The following TANC1 variants were observed in gnomAD, a reference collection of about 807,000 sequenced individuals.
The protein encoded by TANC1 is protein TANC1.
A neutral mutation model predicts 149.7 loss-of-function variants in TANC1; 77 were observed. That is an observed-to-expected ratio of 0.51 (90% CI 0.43 to 0.62). The LOEUF (loss-of-function observed/expected upper bound fraction) is 0.62, where lower values mean the gene tolerates loss of function less well. Among genes scored for constraint, TANC1 ranks in the 20% least tolerant of loss-of-function variants. TANC1 has a pLI of 0.00. For synonymous variants in TANC1, 854 were observed against 925.0 expected (o/e 0.92, Z 1.39); for missense variants, 1,985 against 2,321.8 (o/e 0.85, Z 2.98).
rs191913478 is a variant in TANC1, at chr2:159,002,892, T to C, written c.-16+1703T>C. 2.0e-5 allele frequency among the ~76,000 whole-genome samples: 3 copies of C among 152,338 alleles called. No homozygotes were observed. In the East Asian group the frequency reaches 5.8e-4, roughly 29 times the overall value. ...AAAAGATGTCTCATGGCAGGTCCTA[T>C]AAGGGCAGCCTGGAAGTGACATCAT... On this transcript the variant is annotated intron_variant, in intron 2 of 26. Transcript: ENST00000263635.
intron 3 of TANC1, among the ~76,000 whole-genome samples, chr2:159,084,907 C>T (rs543582908): frequency 5.9e-5 from 9 of 152,296 alleles, no homozygotes; most frequent in African/African-American, 2.2e-4. Flanking sequence ...GGTTCAATTC[C>T]GGATCTGCCA....
Position 159,229,573 on chromosome 2 carries a change from C to CA in TANC1, c.4152-2dup. ...TGTAATGTTACCTTACATTTTCCTACAAAGGCAATTCGTGGCAGCTCTGGC... is the reference window on the plus strand; with the variant it reads ...TGTAATGTTACCTTACATTTTCCTACAAAAGGCAATTCGTGGCAGCTCTGGC... On this transcript the variant is annotated splice_region_variant and splice_polypyrimidine_tract_variant and intron_variant, in intron 26 of 26. Transcript: ENST00000263635. 6.2e-7 allele frequency: 1 copy of CA among 1,607,972 alleles called. No individual in the cohort carries two copies. The highest frequency in any genetic ancestry group is 1.1e-5 in the South Asian group (1 of 90,462).
intron 2 of TANC1, among the ~76,000 whole-genome samples, chr2:159,054,776 T>G (rs147974954): frequency 1.3e-3 from 192 of 152,346 alleles, no homozygotes; most frequent in African/African-American, 4.2e-3. Context: ...TTATCACGCA[T>G]ACAGTGGCCT....
chr2:159,117,937 GTACTGGAGTTTTTCTC>G (rs74572099), intron 4 of TANC1, among the ~76,000 whole-genome samples: 83,018 of 146,030 alleles, frequency 0.57, 24,108 homozygotes, highest in African/African-American at 0.66. Flanking sequence ...GAGTTTTTCT[GTACTGGAGTTTTTCTC>G]TACTGGAGTT....
At chr2:159,003,088 T>C (rs2036771811) in intron 2 of TANC1, among the ~76,000 whole-genome samples, 1 of 152,204 alleles carries the variant, frequency 6.6e-6, no homozygotes, top group Non-Finnish European at 1.5e-5. Context: ...AGAACTTTGT[T>C]CCTGGCTGTG....
At chr2:159,030,155 C>T (rs926349324) in intron 2 of TANC1, among the ~76,000 whole-genome samples, 5 of 151,484 alleles carry the variant, frequency 3.3e-5, no homozygotes, top group South Asian at 2.1e-4. Context: ...TATTCCTTCC[C>T]GGGGTGAAAA....
At chr2:159,003,920 A>T (rs2036877088) in intron 2 of TANC1, 2 of 1,612,784 alleles carry the variant, frequency 1.2e-6, no homozygotes, top group African/African-American at 2.7e-5. Context: ...CAGAAAGAAG[A>T]AGGTGGTACA....
chr2:158,971,625 T>C (rs1229555001), intron 1 of TANC1, among the ~76,000 whole-genome samples: 1 of 152,230 alleles, frequency 6.6e-6, no homozygotes, highest in Non-Finnish European at 1.5e-5. Flanking sequence ...CAAAGAACTC[T>C]TAAGCCTTTC....
chr2:159,166,205 A>G (rs972673178), intron 8 of TANC1, among the ~76,000 whole-genome samples: 4 of 152,180 alleles, frequency 2.6e-5, no homozygotes, highest in East Asian at 1.9e-4. Context: ...TTACCTTTCA[A>G]AATACTTTCT....
In TANC1 at chr2:159,179,143, G is replaced by A. The variant is rs777529237; in HGVS notation, c.2490G>A (p.Thr830=). 19 of 1,611,618 alleles carry A rather than the reference G, an allele frequency of 1.2e-5. No homozygotes were observed. The highest frequency in any genetic ancestry group is 1.6e-4 in the Middle Eastern group (1 of 6,080). ...TATGGAGAGCAGACGGGGAAAACAC[G>A]GCCTTCCTGTGTGAGCCCAGGTACG... ...WLVWRADGEN[T]AFLCEPRNGH... The change falls in exon 14 of 27, where the codon ACG becomes ACA. Residue 830 remains threonine, a synonymous_variant. Coordinates refer to ENST00000263635, the MANE Select transcript of TANC1 (RefSeq NM_033394.3).
chr2:159,170,502 A>C, intron 9 of TANC1, 22 bp from the exon 10 acceptor site: 1 of 1,551,874 alleles, frequency 6.4e-7, no homozygotes, highest in South Asian at 1.2e-5. Flanking sequence ...TTTTTCTAAA[A>C]TTTTTTTTTC....
chr2:159,083,224 G>A lies in TANC1; in HGVS notation c.62-14413G>A, dbSNP rs571326649. Among the ~76,000 whole-genome samples the A allele has an allele frequency of 1.5e-4, 23 of 152,056 alleles. No individual in the cohort carries two copies. The South Asian group carries it at 4.2e-3, about 27-fold the overall frequency. ...CCGGCCTTGGCCTCCCAAAGTGCTG[G>A]GATTACAGGCATGAGCCACCATACC... On this transcript the variant is annotated intron_variant, in intron 3 of 26. Transcript: ENST00000263635.
intron 2 of TANC1, among the ~76,000 whole-genome samples, chr2:159,063,752 C>G (rs1163222769): frequency 6.6e-6 from 1 of 152,152 alleles, no homozygotes; most frequent in Non-Finnish European, 1.5e-5. Context: ...GAAGGTATGT[C>G]TATCCTGAAA....
At chr2:158,980,814 C>T (rs1461280702) in intron 1 of TANC1, among the ~76,000 whole-genome samples, 1 of 151,694 alleles carries the variant, frequency 6.6e-6, no homozygotes, top group Non-Finnish European at 1.5e-5. Flanking sequence ...TAGCATTTGT[C>T]ACCATTTTTG....
chr2:159,178,485 T>C (rs2056118232), intron 13 of TANC1, 71 bp from the exon 14 acceptor site: 2 of 1,497,868 alleles, frequency 1.3e-6, no homozygotes, highest in Admixed American at 4.6e-5. Flanking sequence ...GTGAATCTGG[T>C]TTAAAATGCT....
chr2:159,136,551 T>G (rs932765507), intron 5 of TANC1, among the ~76,000 whole-genome samples: 22 of 152,242 alleles, frequency 1.4e-4, no homozygotes, highest in African/African-American at 5.1e-4. Flanking sequence ...CTCTGAATTT[T>G]GACCTACCAG....
intron 3 of TANC1, among the ~76,000 whole-genome samples, chr2:159,092,573 T>C (rs2045663079): frequency 6.6e-6 from 1 of 152,266 alleles, no homozygotes; most frequent in East Asian, 1.9e-4. Flanking sequence ...AATTTTGTTA[T>C]CTTTGCAAAC....
rs2034355349 is a variant in TANC1 at position 158,981,515 on chromosome 2, ATATATATATAT to A, written c.-126+12734_-126+12744del. ...TTTATATATATATATATATATATATATATATATATATATATATATATATATATAAAGAAGTA... is the reference window on the plus strand; with the variant it reads ...TTTATATATATATATATATATATATAATATATATATATATATAAAGAAGTA... On this transcript the variant is annotated intron_variant, in intron 1 of 26. Transcript: ENST00000263635. 5.1e-5 allele frequency among the ~76,000 whole-genome samples: 6 copies of A among 117,700 alleles called. No individual in the cohort carries two copies. The South Asian group carries it at 1.1e-3, about 21-fold the overall frequency. 77.2% of individuals were successfully genotyped at this position (117,700 alleles called of 152,430 possible). A position where few individuals can be genotyped will look rare whatever the true frequency, so the allele number is the denominator to read the frequency against.
rs147121969 is a variant in TANC1 at position 159,094,451 on chromosome 2, AGT to A, written c.62-3182_62-3181del. On this transcript the variant is annotated intron_variant, in intron 3 of 26. Coordinates refer to ENST00000263635, the MANE Select transcript of TANC1 (RefSeq NM_033394.3). ...AGGCACAGCACCTGCTTGCATTCTC[AGT>A]GTGAGAGTGAGGTGGTGATGAGAAA... Among the ~76,000 whole-genome samples the A allele has an allele frequency of 2.2e-3, 330 of 152,230 alleles. 3 individuals carry two copies. Among genetic ancestry groups the A allele is most frequent in the African/African-American group, 7.3e-3 (301 of 41,510 alleles).
Sources: gnomAD v4.1 joint callset for allele counts (sites outside exome capture counted in the v4.1 genomes callset) on GRCh38, gnomAD v4.1.1 for gene constraint, MANE v1.5 for transcripts, NCBI Gene and HGNC (gene_info 2026-07-23, HGNC 2026-07-21) for gene names.